MALT1: variants seen among roughly 807,000 people sequenced by gnomAD.
MALT1 encodes mucosa-associated lymphoid tissue lymphoma translocation protein 1.
MALT1 carries 36 observed loss-of-function variants against 85.5 expected under a neutral mutation model. That is an observed-to-expected ratio of 0.42 (90% CI 0.32 to 0.56). MALT1 has a LOEUF of 0.56. Among genes scored for constraint, MALT1 ranks in the 20% least tolerant of loss-of-function variants. The pLI, the probability that MALT1 is intolerant of heterozygous loss-of-function variation, is 0.10. For synonymous variants in MALT1, 359 were observed against 361.3 expected, an observed-to-expected ratio of 0.99 and a Z score of 0.07; for missense variants, 716 against 981.6, an observed-to-expected ratio of 0.73 and a Z score of 3.62.
intron 11 of MALT1, 186 bp downstream of exon 11, chr18:58,733,760 A>G: frequency 1.4e-6 from 1 of 737,206 alleles, no homozygotes; most frequent in East Asian, 2.9e-5. Flanking sequence ...TTAACTCTTC[A>G]TATTTGCTAT....
At chr18:58,733,314 T>G (rs2055178437) in intron 10 of MALT1, 83 bp from the exon 11 acceptor site, 1 of 875,348 alleles carries the variant, frequency 1.1e-6, no homozygotes, top group South Asian at 1.8e-5. Context: ...GTCAAGGTTT[T>G]TCTACAAAAA....
chr18:58,726,754 C>T (rs1221190123), intron 10 of MALT1, among the ~76,000 whole-genome samples: 2 of 152,214 alleles, frequency 1.3e-5, no homozygotes, highest in Non-Finnish European at 2.9e-5. Flanking sequence ...ACCCTTTGGC[C>T]TGAGATCTAT....
At chr18:58,696,036 G>T (rs1349324162) in intron 2 of MALT1, among the ~76,000 whole-genome samples, 1 of 152,162 alleles carries the variant, frequency 6.6e-6, no homozygotes, top group Admixed American at 6.5e-5. Flanking sequence ...TCTGTTATAA[G>T]GTGCATCCTG....
At chr18:58,746,767 G>A (rs979013116) in intron 16 of MALT1, among the ~76,000 whole-genome samples, 3 of 150,342 alleles carry the variant, frequency 2.0e-5, no homozygotes, top group East Asian at 1.9e-4. Flanking sequence ...TCTCTCTGTC[G>A]CCTAGGTTGG....
chr18:58,671,501 C>T lies in MALT1; in HGVS notation c.-143C>T. On this transcript the variant is annotated 5_prime_UTR_variant, in exon 1 of 17. Coordinates refer to ENST00000649217, the MANE Select transcript of MALT1 (RefSeq NM_006785.4). ...ATTGGGGCGGGGAGCGGAGCTTCCT[C>T]CTCTGAGGGCCGTGCCGCGCTGCCA... 2.1e-6 allele frequency: 1 copy of T among 469,598 alleles called. No individual in the cohort carries two copies. Among genetic ancestry groups the T allele is most frequent in the Non-Finnish European group, 3.3e-6 (1 of 300,454 alleles). The allele number at this position is 469,598 out of a possible 1,614,324, so 29.1% of individuals were successfully genotyped here.
chr18:58,749,906 A>G lies in MALT1; in HGVS notation c.*2064A>G, dbSNP rs977463279. Reference sequence around the variant, plus strand: ...TTTCCCCTTAAGATTGGGAAGAAGGACAAGGATGTTCACTCGGCACTACTT... The same window carrying G: ...TTTCCCCTTAAGATTGGGAAGAAGGGCAAGGATGTTCACTCGGCACTACTT... On this transcript the variant is annotated 3_prime_UTR_variant, in exon 17 of 17. Coordinates refer to ENST00000649217, the MANE Select transcript of MALT1 (RefSeq NM_006785.4). 2.4e-5 allele frequency: 5 copies of G among 211,226 alleles called. No individual in the cohort carries two copies. The highest frequency in any genetic ancestry group is 3.8e-5 in the Non-Finnish European group (4 of 104,158). The allele number at this position is 211,226 out of a possible 1,614,324, so 13.1% of individuals were successfully genotyped here.
At position 58,689,461 on chromosome 18, in the gene MALT1, T is replaced by A. The variant is rs530124834; in HGVS notation, c.377-6905T>A. Among the ~76,000 whole-genome samples, 8 of 152,310 alleles carry A rather than the reference T, an allele frequency of 5.3e-5. No individual in the cohort carries two copies. The South Asian group carries it at 1.7e-3, about 32-fold the overall frequency. ...CTGCTGTAGTAATTTCTGTTATTAT[T>A]ATATATATTCAACAAACACGTGTTG... On this transcript the variant is annotated intron_variant, in intron 2 of 16. Coordinates refer to ENST00000649217, the MANE Select transcript of MALT1 (RefSeq NM_006785.4).
intron 2 of MALT1, among the ~76,000 whole-genome samples, chr18:58,695,721 T>C (rs959476269): frequency 6.6e-6 from 1 of 152,188 alleles, no homozygotes; most frequent in African/African-American, 2.4e-5. Context: ...TTTCTTGCTG[T>C]GTCCTCACAT....
chr18:58,716,013 A>G, intron 9 of MALT1, 46 bp downstream of exon 9: 2 of 1,343,746 alleles, frequency 1.5e-6, no homozygotes, highest in East Asian at 2.3e-5. Flanking sequence ...ATTATTGTGT[A>G]TAACTCCAGA....
intron 13 of MALT1, among the ~76,000 whole-genome samples, chr18:58,738,855 A>G (rs1221178922): frequency 1.3e-5 from 2 of 152,126 alleles, no homozygotes; most frequent in Non-Finnish European, 2.9e-5. Context: ...TGTTCTTGAT[A>G]TAATACTAGC....
rs1568163352 is a variant in MALT1, at chr18:58,753,936, A to C, written c.*6094A>C. ...CCCACTTTTTTTCATGCTTGAGTTT[A>C]GTTGATAAATAGCATTTTAGATACT... On this transcript the variant is annotated 3_prime_UTR_variant, in exon 17 of 17. Transcript: ENST00000649217. 2 of 152,154 alleles carry C rather than the reference A, an allele frequency of 1.3e-5. No individual in the cohort carries two copies. Among genetic ancestry groups the C allele is most frequent in the African/African-American group, 2.4e-5 (1 of 41,434 alleles). The allele number at this position is 152,154 out of a possible 1,614,324, so 9.4% of individuals were successfully genotyped here. A position where few individuals can be genotyped will look rare whatever the true frequency, so the allele number is the denominator to read the frequency against.
intron 10 of MALT1, among the ~76,000 whole-genome samples, chr18:58,733,101 G>C (rs1413788054): frequency 2.0e-5 from 3 of 151,998 alleles, no homozygotes; most frequent in African/African-American, 7.3e-5. Flanking sequence ...AGGAGAGATG[G>C]GGTTTCACCA....
At chr18:58,680,261 C>G (rs1319999651) in intron 1 of MALT1, among the ~76,000 whole-genome samples, 1 of 152,166 alleles carries the variant, frequency 6.6e-6, no homozygotes, top group Non-Finnish European at 1.5e-5. Flanking sequence ...TGAATACACA[C>G]ATAGACATAC....
chr18:58,724,199 G>A (rs987255366), intron 10 of MALT1, among the ~76,000 whole-genome samples: 3 of 152,080 alleles, frequency 2.0e-5, no homozygotes, highest in Non-Finnish European at 4.4e-5. Context: ...AATTTTTAAT[G>A]GTGCTCAAAG....
In MALT1 at chr18:58,671,757, G is replaced by A; in HGVS notation, c.114G>A (p.Leu38=). 1 of 1,272,566 alleles carries A rather than the reference G, an allele frequency of 7.9e-7. No individual in the cohort carries two copies. Among genetic ancestry groups the A allele is most frequent in the South Asian group, 2.6e-5 (1 of 37,886 alleles). 78.8% of individuals were successfully genotyped at this position (1,272,566 alleles called of 1,614,324 possible). Residue 38 remains leucine, a synonymous_variant, in exon 1 of 17, where the codon CTG becomes CTA. Coordinates refer to ENST00000649217, the MANE Select transcript of MALT1 (RefSeq NM_006785.4). ...TCAACCGCCTGCGGGAGCCGCTGCT[G>A]CGGAGGCTCAGCGAGCTCCTGGATC... ...ATLNRLREPL[L]RRLSELLDQA... is the part of the protein sequence containing the mutation.
intron 4 of MALT1, among the ~76,000 whole-genome samples, chr18:58,702,102 C>G (rs988657752): frequency 2.0e-5 from 3 of 151,894 alleles, no homozygotes; most frequent in South Asian, 2.1e-4. Context: ...TGGTAGCTCA[C>G]ACCTGTAATC....
intron 10 of MALT1, among the ~76,000 whole-genome samples, chr18:58,725,011 T>A (rs2055033082): frequency 6.6e-6 from 1 of 151,666 alleles, no homozygotes. Flanking sequence ...TCATCTGTAA[T>A]CCCAGCTACT....
intron 10 of MALT1, 140 bp from the exon 11 acceptor site, chr18:58,733,257 A>G: frequency 1.7e-6 from 1 of 589,506 alleles, no homozygotes; most frequent in East Asian, 2.8e-5. Flanking sequence ...TATATTTATA[A>G]TTGGGTATTT....
At chr18:58,726,083 T>A (rs915749938) in intron 10 of MALT1, among the ~76,000 whole-genome samples, 1 of 152,040 alleles carries the variant, frequency 6.6e-6, no homozygotes, top group Non-Finnish European at 1.5e-5. Context: ...ACAGATCCTT[T>A]AGTTGCCCCT....
Sources: gnomAD v4.1 joint callset for allele counts (sites outside exome capture counted in the v4.1 genomes callset) on GRCh38, gnomAD v4.1.1 for gene constraint, MANE v1.5 for transcripts, NCBI Gene and HGNC (gene_info 2026-07-23, HGNC 2026-07-21) for gene names.